Variants in CSNK1A1L observed in about 807,000 individuals in gnomAD.
CSNK1A1L encodes the protein casein kinase 1 alpha 1 like, also known as casein kinase I isoform alpha-like.
Under a neutral mutation model 24.6 loss-of-function variants are expected in CSNK1A1L, and 20 were observed. The ratio of observed to expected loss-of-function variants is 0.81; its 90% CI spans 0.57 to 1.18. The LOEUF (loss-of-function observed/expected upper bound fraction) is 1.18, where lower values mean the gene tolerates loss of function less well. CSNK1A1L is among the 50% of genes most tolerant of loss of function. The probability of loss-of-function intolerance (pLI) is 0.00; values close to 1 mark genes in which losing one functional copy is unlikely to be tolerated. For missense variants in CSNK1A1L, 414 were observed against 419.0 expected (o/e 0.99, Z 0.10); for synonymous variants, 152 against 154.0 (o/e 0.99, Z 0.09).
chr13:37,105,033 T>A lies in CSNK1A1L; in HGVS notation c.224A>T (p.His75Leu). The change falls in exon 1 of 1, where the codon CAC becomes CTC. Residue 75 changes from histidine to leucine, a missense_variant. Transcript: ENST00000379800. ...TTTTTCCTGACCATACCAGTGCATG[T>A]GGGGGATGCCAACCCCACCTTGAAG... ...TILQGGVGIPHMHWYGQEKDN... is the reference protein window; with the variant it reads ...TILQGGVGIPLMHWYGQEKDN... 1 of 1,614,138 alleles carries A rather than the reference T, an allele frequency of 6.2e-7. No individual in the cohort carries two copies. The highest frequency in any genetic ancestry group is 1.1e-5 in the South Asian group (1 of 91,076).
chr13:37,105,074 G>T lies in CSNK1A1L; in HGVS notation c.183C>A (p.Ser61Arg), dbSNP rs1205241740. The change falls in exon 1 of 1, where the codon AGC becomes AGA. Residue 61 changes from serine (S) to arginine (R), a missense_variant. Transcript: ENST00000379800. Reference sequence around the variant, plus strand: ...CACCTTGAAGAATCGTGTAGAGTTTGCTCTCATACAGCAACTGGGGGTGCT... The same window carrying T: ...CACCTTGAAGAATCGTGTAGAGTTTTCTCTCATACAGCAACTGGGGGTGCT... ...KVKHPQLLYE[S>R]KLYTILQGGV... The T allele has an allele frequency of 1.2e-6, 2 of 1,614,150 alleles. No homozygotes were observed. Among genetic ancestry groups the T allele is most frequent in the Non-Finnish European group, 1.7e-6 (2 of 1,180,022 alleles).
chr13:37,104,267 G>GT, the CSNK1A1L span: 237 of 1,614,086 alleles, frequency 1.5e-4, 1 homozygote, highest in African/African-American at 1.6e-3. Context: ...CATTATTCTT[G>GT]TTTTTTTCAG....
In CSNK1A1L at chr13:37,104,766, T is replaced by C; in HGVS notation, c.491A>G (p.Tyr164Cys). The change falls in exon 1 of 1, where the codon TAC becomes TGC. Residue 164 changes from tyrosine to cysteine, a missense_variant. Coordinates refer to ENST00000379800, the MANE Select transcript of CSNK1A1L (RefSeq NM_145203.6). ...GTGTTGCCTGGTCCTGTTGTCTCTG[T>C]ACTTTTTGGCCAAACCAAAATCAAT... The part of the protein sequence containing the change: ...FLIDFGLAKK[Y>C]RDNRTRQHIP... 1 of 1,614,062 alleles carries C rather than the reference T, an allele frequency of 6.2e-7. No individual in the cohort carries two copies. The highest frequency in any genetic ancestry group is 1.1e-5 in the South Asian group (1 of 91,062).
chr13:37,105,326 C>G lies in CSNK1A1L; in HGVS notation c.-70G>C. 1 of 1,515,078 alleles carries G rather than the reference C, an allele frequency of 6.6e-7. No individual in the cohort carries two copies. Among genetic ancestry groups the G allele is most frequent in the Non-Finnish European group, 8.9e-7 (1 of 1,124,290 alleles). The allele number at this position is 1,515,078 out of a possible 1,614,324, so 93.9% of individuals were successfully genotyped here. A position where few individuals can be genotyped will look rare whatever the true frequency, so the allele number is the denominator to read the frequency against. ...AGGGGAGGATGGAGGCCTCCGGGGC[C>G]CACCGGCCCGCAAGGCTGAGGATGA... On this transcript the variant is annotated 5_prime_UTR_variant, in exon 1 of 1. Transcript: ENST00000379800.
At position 37,104,790 on chromosome 13, in the gene CSNK1A1L, A is replaced by G. The variant is rs374584014; in HGVS notation, c.467T>C (p.Ile156Thr). ...GTACTTTTTGGCCAAACCAAAATCA[A>G]TAAGGAACAACTTATTACAGTGACG... ...TGRHCNKLFL[I>T]DFGLAKKYRD... The change falls in exon 1 of 1, where the codon ATT becomes ACT. Residue 156 changes from isoleucine to threonine, a missense_variant. Coordinates refer to ENST00000379800, the MANE Select transcript of CSNK1A1L (RefSeq NM_145203.6). The G allele has an allele frequency of 8.7e-6, 14 of 1,613,606 alleles. No individual in the cohort carries two copies. Among genetic ancestry groups the G allele is most frequent in the East Asian group, 2.2e-5 (1 of 44,822 alleles).
In CSNK1A1L at chr13:37,105,160, G is replaced by C; in HGVS notation, c.97C>G (p.Leu33Val). The change falls in exon 1 of 1, where the codon CTG becomes GTG. Residue 33 changes from leucine (L) to valine (V), a missense_variant. By Grantham distance (32) the Leu-to-Val change is conservative (BLOSUM62 1). Coordinates refer to ENST00000379800, the MANE Select transcript of CSNK1A1L (RefSeq NM_145203.6). ...TCGCCGTTGGTGGTGGTGATGCCCA[G>C]ATAAACGTCTCCAAAGGAGCCAGAC... ...IGSGSFGDVY[L>V]GITTTNGEDV... is the part of the protein sequence containing the mutation. 1 of 1,614,104 alleles carries C rather than the reference G, an allele frequency of 6.2e-7. No homozygotes were observed. The highest frequency in any genetic ancestry group is 1.7e-4 in the Middle Eastern group (1 of 6,060).
Position 37,104,660 on chromosome 13 carries a change from G to C in CSNK1A1L, c.597C>G (p.Ser199Arg). 6.2e-7 allele frequency: 1 copy of C among 1,614,098 alleles called. No homozygotes were observed. The highest frequency in any genetic ancestry group is 8.5e-7 in the Non-Finnish European group (1 of 1,180,026). The change falls in exon 1 of 1, where the codon AGC becomes AGG. Residue 199 changes from serine (S) to arginine (R), a missense_variant. Transcript: ENST00000379800. ...SINAHLGIEQ[S>R]RRDDMESLGY... ...CTAAGGATTCCATGTCATCTCGGCG[G>C]CTCTGCTCAATACCAAGATGTGCAT... is the stretch of plus-strand genomic sequence containing the variant.
rs1399653013 is a variant in CSNK1A1L, at chr13:37,104,846, A to T, written c.411T>A (p.Ile137=). The T allele has an allele frequency of 1.2e-6, 2 of 1,613,916 alleles. No individual in the cohort carries two copies. Among genetic ancestry groups the T allele is most frequent in the Non-Finnish European group, 1.7e-6 (2 of 1,180,008 alleles). The change falls in exon 1 of 1, where the codon ATT becomes ATA. Residue 137 remains isoleucine, a synonymous_variant. Coordinates refer to ENST00000379800, the MANE Select transcript of CSNK1A1L (RefSeq NM_145203.6). ...TACCCATCAGGAAGTTATCTGGTTT[A>T]ATGTCTCGGTGTAGAAAATTCTTTG... The part of the protein sequence containing the change: ...VHTKNFLHRD[I]KPDNFLMGTG...
In CSNK1A1L at chr13:37,104,357, C is replaced by T. The variant is rs1241911840; in HGVS notation, c.900G>A (p.Met300Ile). ...HQYDYTFDWTMLKQKAAQQAA... is the reference protein window; with the variant it reads ...HQYDYTFDWTILKQKAAQQAA... ...CCTGCTGTGCTGCTTTCTGCTTTAACATCGTCCAATCAAATGTGTAGTCAT... is the reference window on the plus strand; with the variant it reads ...CCTGCTGTGCTGCTTTCTGCTTTAATATCGTCCAATCAAATGTGTAGTCAT... The change falls in exon 1 of 1, where the codon ATG (methionine) becomes ATA (isoleucine). Residue 300 changes from methionine (M) to isoleucine (I), a missense_variant. By Grantham distance (10) the Met-to-Ile change is conservative. Coordinates refer to ENST00000379800, the MANE Select transcript of CSNK1A1L (RefSeq NM_145203.6). 1.9e-6 allele frequency: 3 copies of T among 1,614,078 alleles called. No homozygotes were observed. Among genetic ancestry groups the T allele is most frequent in the Non-Finnish European group, 2.5e-6 (3 of 1,180,056 alleles).
Position 37,105,486 on chromosome 13 carries a change from A to C in CSNK1A1L, c.-230T>G. 9 of 462,444 alleles carry C rather than the reference A, an allele frequency of 1.9e-5. No individual in the cohort carries two copies. The highest frequency in any genetic ancestry group is 5.2e-5 in the South Asian group (1 of 19,352). The allele number at this position is 462,444 out of a possible 1,614,324, so 28.6% of individuals were successfully genotyped here. ...TCTCAAGGTTCCAGGCTGGGCCACC[A>C]CCTCTTTCTCGGTGGCGGTCGCTGC... On this transcript the variant is annotated 5_prime_UTR_variant, in exon 1 of 1. Transcript: ENST00000379800.
Position 37,105,156 on chromosome 13 carries a change from C to A in CSNK1A1L, c.101G>T (p.Gly34Val). Reference protein sequence around the residue: ...GSGSFGDVYLGITTTNGEDVA... With the variant: ...GSGSFGDVYLVITTTNGEDVA... ...GTCCTCGCCGTTGGTGGTGGTGATG[C>A]CCAGATAAACGTCTCCAAAGGAGCC... is the stretch of plus-strand genomic sequence containing the variant. The change falls in exon 1 of 1, where the codon GGC (glycine) becomes GTC (valine). Residue 34 changes from glycine (G) to valine (V), a missense_variant. Gly to Val is a moderately radical substitution (Grantham distance 109, BLOSUM62 -3). Coordinates refer to ENST00000379800, the MANE Select transcript of CSNK1A1L (RefSeq NM_145203.6). 6.2e-7 allele frequency: 1 copy of A among 1,614,068 alleles called. No homozygotes were observed. The highest frequency in any genetic ancestry group is 1.1e-5 in the South Asian group (1 of 91,088).
Position 37,104,952 on chromosome 13 carries a change from T to A in CSNK1A1L, c.305A>T (p.Asn102Ile). Residue 102 changes from asparagine to isoleucine, a missense_variant, in exon 1 of 1, where the codon AAT (asparagine) becomes ATT (isoleucine). Physicochemically the swap from Asn to Ile is moderately radical, Grantham distance 149. Transcript: ENST00000379800. ...LLGPSLEDLF[N>I]FCSRRFTMKT... is the part of the protein sequence containing the mutation. ...CATGGTGAACCTTCTTGAACAGAAA[T>A]TAAAGAGGTCTTCGAGGCTGGGTCC... The A allele has an allele frequency of 6.2e-7, 1 of 1,614,084 alleles. No individual in the cohort carries two copies. Among genetic ancestry groups the A allele is most frequent in the South Asian group, 1.1e-5 (1 of 91,078 alleles).
chr13:37,105,181 C>T lies in CSNK1A1L; in HGVS notation c.76G>A (p.Gly26Ser). 6.2e-7 allele frequency: 1 copy of T among 1,614,152 alleles called. No homozygotes were observed. Among genetic ancestry groups the T allele is most frequent in the Non-Finnish European group, 8.5e-7 (1 of 1,180,032 alleles). ...CCCAGATAAACGTCTCCAAAGGAGC[C>T]AGACCCGATCTTCCGCACCAGTTTG... ...KYKLVRKIGS[G>S]SFGDVYLGIT... Residue 26 changes from glycine (G) to serine (S), a missense_variant, in exon 1 of 1, where the codon GGC (glycine) becomes AGC (serine). Transcript: ENST00000379800.
In CSNK1A1L at chr13:37,105,353, G is replaced by A. The variant is rs146650009; in HGVS notation, c.-97C>T. On this transcript the variant is annotated 5_prime_UTR_variant, in exon 1 of 1. Coordinates refer to ENST00000379800, the MANE Select transcript of CSNK1A1L (RefSeq NM_145203.6). ...ACCGGCCCGCAAGGCTGAGGATGAG[G>A]GCTGCTGGAAATGGCCACCGAGGCG... 619 of 1,386,448 alleles carry A rather than the reference G, an allele frequency of 4.5e-4. 3 individuals carry two copies. The African/African-American group carries it at 7.8e-3, about 17-fold the overall frequency. 85.9% of individuals were successfully genotyped at this position (1,386,448 alleles called of 1,614,324 possible).
the CSNK1A1L span, chr13:37,104,896 TC>T: frequency 6.2e-7 from 1 of 1,614,170 alleles, no homozygotes; most frequent in Admixed American, 1.7e-5. Flanking sequence ...ATTCTGCTGA[TC>T]ATCTGGTCGG....
chr13:37,104,381 A>G lies in CSNK1A1L; in HGVS notation c.876T>C (p.Tyr292=), dbSNP rs1322252405. 1 of 1,614,112 alleles carries G rather than the reference A, an allele frequency of 6.2e-7. No homozygotes were observed. Among genetic ancestry groups the G allele is most frequent in the Non-Finnish European group, 8.5e-7 (1 of 1,180,026 alleles). ...RILFRTLNHQ[Y]DYTFDWTMLK... is the part of the protein sequence containing the mutation. Reference sequence around the variant, plus strand: ...ACATCGTCCAATCAAATGTGTAGTCATATTGGTGGTTCAGGGTCCTGAAAA... The same window carrying G: ...ACATCGTCCAATCAAATGTGTAGTCGTATTGGTGGTTCAGGGTCCTGAAAA... The change falls in exon 1 of 1, where the codon TAT becomes TAC. Residue 292 remains tyrosine, a synonymous_variant. Coordinates refer to ENST00000379800, the MANE Select transcript of CSNK1A1L (RefSeq NM_145203.6).
Position 37,105,040 on chromosome 13 carries a change from T to C in CSNK1A1L, c.217A>G (p.Ile73Val). Residue 73 changes from isoleucine to valine, a missense_variant, in exon 1 of 1, where the codon ATC becomes GTC. Transcript: ENST00000379800. ...TGACCATACCAGTGCATGTGGGGGA[T>C]GCCAACCCCACCTTGAAGAATCGTG... ...LYTILQGGVG[I>V]PHMHWYGQEK... 1 of 1,614,142 alleles carries C rather than the reference T, an allele frequency of 6.2e-7. No individual in the cohort carries two copies. Among genetic ancestry groups the C allele is most frequent in the Non-Finnish European group, 8.5e-7 (1 of 1,180,002 alleles).
chr13:37,103,923 T>C lies in CSNK1A1L; in HGVS notation c.*320A>G. 2.6e-6 allele frequency: 1 copy of C among 392,084 alleles called. No homozygotes were observed. The highest frequency in any genetic ancestry group is 4.7e-6 in the Non-Finnish European group (1 of 213,664). 24.3% of individuals were successfully genotyped at this position (392,084 alleles called of 1,614,324 possible). On this transcript the variant is annotated 3_prime_UTR_variant, in exon 1 of 1. Transcript: ENST00000379800. ...AAAATAAAAGGTTTTAACAAAAAATTGGCATATGGACAATGTCTCCACCAA... is the reference window on the plus strand; with the variant it reads ...AAAATAAAAGGTTTTAACAAAAAATCGGCATATGGACAATGTCTCCACCAA...
chr13:37,104,157 T>C lies in CSNK1A1L; in HGVS notation c.*86A>G, dbSNP rs1482377219. ...GGTTGTTCACAGCCACTAGCTGGTG[T>C]ACATATGAACTACAATTTCTAGATG... On this transcript the variant is annotated 3_prime_UTR_variant, in exon 1 of 1. Coordinates refer to ENST00000379800, the MANE Select transcript of CSNK1A1L (RefSeq NM_145203.6). The C allele has an allele frequency of 6.4e-7, 1 of 1,550,960 alleles. No individual in the cohort carries two copies. The highest frequency in any genetic ancestry group is 8.9e-7 in the Non-Finnish European group (1 of 1,128,130).
Sources: gnomAD v4.1 joint callset for allele counts on GRCh38, gnomAD v4.1.1 for gene constraint, MANE v1.5 for transcripts, NCBI Gene and HGNC (gene_info 2026-07-23, HGNC 2026-07-21) for gene names.